Variants in BCAS3 observed in about 807,000 individuals in gnomAD.
The protein encoded by BCAS3 is BCAS4/BCAS3 fusion.
BCAS3 carries 53 observed loss-of-function variants against 116.1 expected under a neutral mutation model. The ratio of observed to expected loss-of-function variants is 0.46; its 90% CI spans 0.37 to 0.57. The LOEUF (loss-of-function observed/expected upper bound fraction) is 0.57, where lower values mean the gene tolerates loss of function less well. Ranked by LOEUF, BCAS3 falls within the 20% of genes least tolerant of loss-of-function variation. BCAS3 has a pLI of 0.00. For missense variants in BCAS3, 917 were observed against 1,165.4 expected (o/e 0.79, Z 3.10); for synonymous variants, 391 against 408.2 (o/e 0.96, Z 0.51).
At chr17:60,831,231 T>C (rs9906366) in intron 7 of BCAS3, among the ~76,000 whole-genome samples, 28,658 of 151,918 alleles carry the variant, frequency 0.19, 3,282 homozygotes, top group African/African-American at 0.32. Context: ...GGCTGGAGTG[T>C]AGTGGCACGG....
chr17:61,070,305 T>C (rs553752055), intron 19 of BCAS3: 7 of 1,326,868 alleles, frequency 5.3e-6, no homozygotes, highest in African/African-American at 4.4e-5. Context: ...CTGGTTACGA[T>C]GCTTTGGATG....
intron 14 of BCAS3, among the ~76,000 whole-genome samples, chr17:60,979,952 A>T (rs1256636938): frequency 1.3e-5 from 2 of 151,826 alleles, no homozygotes. Flanking sequence ...TTGGTCTAAA[A>T]TTCTCTTTTT....
chr17:60,738,007 A>G (rs1410269301), intron 5 of BCAS3, among the ~76,000 whole-genome samples: 1 of 152,108 alleles, frequency 6.6e-6, no homozygotes, highest in Non-Finnish European at 1.5e-5. Context: ...GGCTGGTCTC[A>G]AACTCCTGAT....
intron 22 of BCAS3, among the ~76,000 whole-genome samples, chr17:61,287,676 A>G (rs2051964373): frequency 6.6e-6 from 1 of 152,124 alleles, no homozygotes; most frequent in African/African-American, 2.4e-5. Flanking sequence ...CAGTGAGCCA[A>G]GATGGCATCG....
At chr17:61,193,616 G>A (rs2080280875) in intron 22 of BCAS3, among the ~76,000 whole-genome samples, 1 of 151,948 alleles carries the variant, frequency 6.6e-6, no homozygotes, top group Non-Finnish European at 1.5e-5. Flanking sequence ...AATTAGCTGG[G>A]TGTCGTGGCG....
At chr17:61,090,968 A>G (rs2073511636) in intron 22 of BCAS3, among the ~76,000 whole-genome samples, 1 of 152,106 alleles carries the variant, frequency 6.6e-6, no homozygotes, top group Admixed American at 6.6e-5. Flanking sequence ...TCTTCTTTCT[A>G]GTATTTATAG....
rs1157560386 is a variant in BCAS3 at position 61,229,698 on chromosome 17, C to A, written c.2426-138629C>A. On this transcript the variant is annotated intron_variant, in intron 22 of 23. Coordinates refer to ENST00000407086, the MANE Select transcript of BCAS3 (RefSeq NM_017679.5). The surrounding 1 kb of genome is among the most constrained non-coding windows in gnomAD (Gnocchi z 4.4). ...CATGAGCCACATTCTTGTGCTTCTCCATTTACATAGCTCTAATAGTAGAGG... is the reference window on the plus strand; with the variant it reads ...CATGAGCCACATTCTTGTGCTTCTCAATTTACATAGCTCTAATAGTAGAGG... Among the ~76,000 whole-genome samples the A allele has an allele frequency of 6.6e-6, 1 of 152,202 alleles. No homozygotes were observed. The highest frequency in any genetic ancestry group is 1.9e-4 in the East Asian group (1 of 5,196).
intron 22 of BCAS3, among the ~76,000 whole-genome samples, chr17:61,322,209 C>T (rs1435729699): frequency 6.6e-6 from 1 of 152,160 alleles, no homozygotes; most frequent in African/African-American, 2.4e-5. Context: ...GCTGAGATTA[C>T]AGGTGTGAGC....
intron 7 of BCAS3, among the ~76,000 whole-genome samples, chr17:60,837,006 C>CTT (rs1473200346): frequency 6.6e-6 from 1 of 152,160 alleles, no homozygotes; most frequent in East Asian, 1.9e-4. Flanking sequence ...GAAGATGATA[C>CTT]TTAAAAGACT....
At chr17:60,898,748 C>T (rs2057680222) in intron 10 of BCAS3, among the ~76,000 whole-genome samples, 1 of 151,876 alleles carries the variant, frequency 6.6e-6, no homozygotes. Context: ...GTTCCTGAGC[C>T]CCTGGGCAGC....
intron 22 of BCAS3, among the ~76,000 whole-genome samples, chr17:61,192,678 C>T (rs2080218839): frequency 6.6e-6 from 1 of 152,182 alleles, no homozygotes; most frequent in African/African-American, 2.4e-5. Flanking sequence ...CAGTTTACCA[C>T]TGTCATGCTT....
rs2060146959 is a variant in BCAS3, at chr17:61,391,826, CT to C, written c.2594-150del. 1 of 805,870 alleles carries C rather than the reference CT, an allele frequency of 1.2e-6. No individual in the cohort carries two copies. The highest frequency in any genetic ancestry group is 2.0e-6 in the Non-Finnish European group (1 of 504,964). The allele number at this position is 805,870 out of a possible 1,614,324, so 49.9% of individuals were successfully genotyped here. On this transcript the variant is annotated intron_variant, in intron 23 of 23. Coordinates refer to ENST00000407086, the MANE Select transcript of BCAS3 (RefSeq NM_017679.5). This position sits in a 1 kb window ranked among gnomAD's most constrained non-coding sequence, Gnocchi z 7.7. Reference sequence around the variant, plus strand: ...GCCTTCCTGTGACCTGAGCTGCCCCCTGCCCATCCAGGGAGCAGGCGGGGAT... The same window carrying C: ...GCCTTCCTGTGACCTGAGCTGCCCCCGCCCATCCAGGGAGCAGGCGGGGAT...
At chr17:61,275,467 C>T (rs777620812) in intron 22 of BCAS3, among the ~76,000 whole-genome samples, 8 of 151,868 alleles carry the variant, frequency 5.3e-5, no homozygotes, top group Non-Finnish European at 1.2e-4. Context: ...GGGAAGAAAG[C>T]TCAGTGTTTA....
At chr17:60,767,275 G>A (rs560696890) in intron 6 of BCAS3, among the ~76,000 whole-genome samples, 66 of 151,654 alleles carry the variant, frequency 4.4e-4, no homozygotes, top group African/African-American at 1.3e-3. Flanking sequence ...AATCTTCTGC[G>A]TCGATCATGC....
At chr17:60,841,021 G>C (rs2051849412) in intron 7 of BCAS3, among the ~76,000 whole-genome samples, 1 of 151,984 alleles carries the variant, frequency 6.6e-6, no homozygotes, top group Non-Finnish European at 1.5e-5. Flanking sequence ...ATTTGTTTCA[G>C]AATAGATTAT....
At chr17:61,147,980 CTG>C (rs2077329639) in intron 22 of BCAS3, among the ~76,000 whole-genome samples, 1 of 44,340 alleles carries the variant, frequency 2.3e-5, no homozygotes, top group Admixed American at 3.4e-4. Flanking sequence ...GAGTGAAACT[CTG>C]TCTCAGAAAA....
In BCAS3 at chr17:61,279,198, C is replaced by T. The variant is rs913572657; in HGVS notation, c.2426-89129C>T. ...CTGACCTCAAGTGATCCGCCCACCT[C>T]GGCCTCCCAAAGTGTTGGGATTACA... is the stretch of plus-strand genomic sequence containing the variant. On this transcript the variant is annotated intron_variant, in intron 22 of 23. Coordinates refer to ENST00000407086, the MANE Select transcript of BCAS3 (RefSeq NM_017679.5). This position sits in a 1 kb window ranked among gnomAD's most constrained non-coding sequence, Gnocchi z 4.4. Among the ~76,000 whole-genome samples, 12 of 152,192 alleles carry T rather than the reference C, an allele frequency of 7.9e-5. No homozygotes were observed. The highest frequency in any genetic ancestry group is 2.9e-4 in the African/African-American group (12 of 41,534).
At chr17:60,710,572 T>C (rs561891515) in intron 5 of BCAS3, among the ~76,000 whole-genome samples, 299 of 151,594 alleles carry the variant, frequency 2.0e-3, no homozygotes, top group Middle Eastern at 3.4e-3. Flanking sequence ...GCTGGGACTA[T>C]AGGCGCCCGC....
At chr17:60,926,816 AGTC>A (rs1209299577) in intron 13 of BCAS3, among the ~76,000 whole-genome samples, 5 of 152,306 alleles carry the variant, frequency 3.3e-5, no homozygotes, top group South Asian at 2.1e-4. Flanking sequence ...AGAGTGTTGT[AGTC>A]GTCATAAAAT....
Sources: gnomAD v4.1 joint callset for allele counts (sites outside exome capture counted in the v4.1 genomes callset) on GRCh38, gnomAD v4.1.1 for gene constraint, Gnocchi (gnomAD v3.1) non-coding constraint, MANE v1.5 for transcripts, NCBI Gene and HGNC (gene_info 2026-07-23, HGNC 2026-07-21) for gene names.